The following CNBD1 variants were observed in gnomAD, a reference collection of about 807,000 sequenced individuals.
CNBD1 encodes cyclic nucleotide binding domain containing 1.
A neutral mutation model predicts 54.4 loss-of-function variants in CNBD1; 71 were observed. That is an observed-to-expected ratio of 1.30 (90% CI 1.08 to 1.59). The LOEUF (loss-of-function observed/expected upper bound fraction) is 1.59, where lower values mean the gene tolerates loss of function less well. Among genes scored for constraint, CNBD1 ranks in the 40% most tolerant of loss-of-function variants. The probability of loss-of-function intolerance (pLI) is 0.00; values close to 1 mark genes in which losing one functional copy is unlikely to be tolerated. For synonymous variants in CNBD1, 182 were observed against 170.7 expected (o/e 1.07, Z -0.51); for missense variants, 659 against 518.0 (o/e 1.27, Z -2.64).
intron 9 of CNBD1, 72 bp downstream of exon 9, chr8:87,351,866 G>T (rs1283521533): frequency 1.2e-5 from 15 of 1,264,410 alleles, no homozygotes; most frequent in Admixed American, 4.1e-5. Context: ...ACCTTTTCAT[G>T]TACTTACTAG....
chr8:87,310,042 A>G (rs563501839), intron 8 of CNBD1, among the ~76,000 whole-genome samples: 2 of 152,214 alleles, frequency 1.3e-5, no homozygotes, highest in Admixed American at 6.6e-5. Flanking sequence ...AATAATGTTC[A>G]AGCTGAGAAC....
chr8:87,283,723 C>T (rs1390160413), intron 6 of CNBD1, among the ~76,000 whole-genome samples: 1 of 152,038 alleles, frequency 6.6e-6, no homozygotes, highest in Non-Finnish European at 1.5e-5. Flanking sequence ...TGGGGCAATC[C>T]TCCAAGTTCC....
intron 6 of CNBD1, among the ~76,000 whole-genome samples, chr8:87,252,423 A>T (rs943738899): frequency 5.3e-5 from 8 of 152,176 alleles, no homozygotes; most frequent in Admixed American, 2.0e-4. Flanking sequence ...ACAATTTCAT[A>T]TCTACACTCT....
chr8:87,387,810 T>G (rs895248171), downstream of CNBD1, among the ~76,000 whole-genome samples: 18 of 152,202 alleles, frequency 1.2e-4, no homozygotes, highest in African/African-American at 4.3e-4. Flanking sequence ...TACATTCTTT[T>G]CAGCACCACA....
intron 6 of CNBD1, among the ~76,000 whole-genome samples, chr8:87,279,276 AAG>A (rs1174390631): frequency 6.6e-6 from 1 of 151,488 alleles, no homozygotes; most frequent in Admixed American, 6.6e-5. Context: ...ATGATAATGA[AAG>A]AATATATAAG....
At chr8:87,320,626 G>GT (rs1809503938) in intron 8 of CNBD1, among the ~76,000 whole-genome samples, 1 of 146,446 alleles carries the variant, frequency 6.8e-6, no homozygotes. Flanking sequence ...GTGTGGGGGG[G>GT]CGGCTCAGGG....
intron 10 of CNBD1, among the ~76,000 whole-genome samples, chr8:87,356,192 T>C (rs1810416435): frequency 6.6e-6 from 1 of 152,098 alleles, no homozygotes; most frequent in Non-Finnish European, 1.5e-5. Flanking sequence ...ACAAAACTAA[T>C]ACAGACGTGG....
intron 4 of CNBD1, among the ~76,000 whole-genome samples, chr8:87,109,540 C>CTTTCTTTCTTT (rs1554555995): frequency 1.9e-5 from 2 of 107,968 alleles, no homozygotes; most frequent in Admixed American, 1.8e-4. Flanking sequence ...TTCTTTCTTT[C>CTTTCTTTCTTT]TTTTTTTTTT....
chr8:87,193,428 C>A (rs1813652885), intron 4 of CNBD1, among the ~76,000 whole-genome samples: 1 of 152,152 alleles, frequency 6.6e-6, no homozygotes, highest in South Asian at 2.1e-4. Flanking sequence ...ACAGAATAAT[C>A]TTAGTCCGTC....
intron 4 of CNBD1, among the ~76,000 whole-genome samples, chr8:86,954,784 A>C (rs1044045085): frequency 1.6e-4 from 25 of 152,216 alleles, no homozygotes; most frequent in African/African-American, 6.0e-4. Flanking sequence ...AGCATGGCAT[A>C]TGTCCCCAGG....
intron 8 of CNBD1, among the ~76,000 whole-genome samples, chr8:87,328,491 A>G (rs568514567): frequency 5.8e-4 from 88 of 151,724 alleles, no homozygotes; most frequent in Middle Eastern, 3.4e-3. Context: ...TTGTGCTAGT[A>G]ACATACTGCT....
intron 5 of CNBD1, among the ~76,000 whole-genome samples, chr8:87,224,099 T>C (rs1476563785): frequency 2.0e-5 from 3 of 151,780 alleles, no homozygotes; most frequent in Non-Finnish European, 4.4e-5. Flanking sequence ...GTTTGTTTTT[T>C]TCTTGTAAAT....
chr8:86,971,750 G>T (rs1808223774), intron 4 of CNBD1, among the ~76,000 whole-genome samples: 1 of 151,868 alleles, frequency 6.6e-6, no homozygotes, highest in African/African-American at 2.4e-5. Flanking sequence ...TTCTAACTAA[G>T]CATTGTTAGG....
At chr8:86,998,644 T>C (rs1204224528) in intron 4 of CNBD1, among the ~76,000 whole-genome samples, 4 of 152,202 alleles carry the variant, frequency 2.6e-5, no homozygotes, top group Non-Finnish European at 4.4e-5. Flanking sequence ...AATTCATGAA[T>C]ACAGAATCTG....
chr8:87,215,141 T>C (rs1323530838), intron 5 of CNBD1, among the ~76,000 whole-genome samples: 1 of 152,030 alleles, frequency 6.6e-6, no homozygotes, highest in African/African-American at 2.4e-5. Flanking sequence ...AATAGAAAAT[T>C]TTGGGGTGAA....
chr8:86,915,713 C>T (rs537276708), intron 3 of CNBD1, among the ~76,000 whole-genome samples: 1 of 152,264 alleles, frequency 6.6e-6, no homozygotes, highest in East Asian at 1.9e-4. Context: ...TTTGGAAATT[C>T]AGATGAGTAC....
chr8:87,416,645 TTA>T (rs1354574145), intron 2 of CNBD1, among the ~76,000 whole-genome samples: 2 of 152,046 alleles, frequency 1.3e-5, no homozygotes, highest in Non-Finnish European at 2.9e-5. Flanking sequence ...TTTGTTGTTG[TTA>T]TATGACTCAG....
chr8:87,146,434 A>G (rs567929635), intron 4 of CNBD1, among the ~76,000 whole-genome samples: 1 of 152,300 alleles, frequency 6.6e-6, no homozygotes, highest in East Asian at 1.9e-4. Flanking sequence ...TCGTTTCTCC[A>G]AAGTCTTTAG....
At position 86,912,571 on chromosome 8, in the gene CNBD1, G is replaced by T. The variant is rs548065383; in HGVS notation, c.272+7377G>T. Among the ~76,000 whole-genome samples the T allele has an allele frequency of 1.2e-4, 18 of 152,150 alleles. No individual in the cohort carries two copies. The South Asian group carries it at 3.7e-3, about 32-fold the overall frequency. On this transcript the variant is annotated intron_variant, in intron 3 of 10. Coordinates refer to ENST00000518476, the MANE Select transcript of CNBD1 (RefSeq NM_173538.3). ...TCAATGTAAACAAATCTATTGTGCTGCCAGTTATATAAAAATATAGCACAC... is the reference window on the plus strand; with the variant it reads ...TCAATGTAAACAAATCTATTGTGCTTCCAGTTATATAAAAATATAGCACAC...
Sources: allele counts gnomAD v4.1 joint callset (sites outside exome capture counted in the v4.1 genomes callset), GRCh38; gene constraint gnomAD v4.1.1; transcripts MANE v1.5; gene names NCBI Gene and HGNC (gene_info 2026-07-23, HGNC 2026-07-21).